Variants in SLC28A2 observed in about 807,000 individuals in gnomAD.
SLC28A2 encodes sodium/nucleoside cotransporter 2.
SLC28A2 carries 69 observed loss-of-function variants against 72.9 expected under a neutral mutation model. That is an observed-to-expected ratio of 0.95 (90% CI 0.78 to 1.16). The LOEUF is 1.16. Among genes scored for constraint, SLC28A2 ranks in the 50% most tolerant of loss-of-function variants. The pLI, the probability that SLC28A2 is intolerant of heterozygous loss-of-function variation, is 0.00. For missense variants in SLC28A2, 745 were observed against 791.1 expected (o/e 0.94, Z 0.70); for synonymous variants, 296 against 294.1 (o/e 1.01, Z -0.07).
At position 45,272,756 on chromosome 15, in the gene SLC28A2, T is replaced by C. The variant is rs1192401922; in HGVS notation, c.1831T>C (p.Tyr611His). 6.2e-7 allele frequency: 1 copy of C among 1,609,812 alleles called. No individual in the cohort carries two copies. ...TSFTNRTYET[Y>H]MCCRGLFQST... is the part of the protein sequence containing the mutation. ...TTTCACCAATAGAACCTATGAGACC[T>C]ACATGTGCTGCAGAGGGCTCTTTCA... Residue 611 changes from tyrosine (Y) to histidine (H), a missense_variant, in exon 17 of 18, where the codon TAC becomes CAC. Physicochemically the swap from Tyr to His is moderately conservative, Grantham distance 83 (BLOSUM62 2). Coordinates refer to ENST00000347644, the MANE Select transcript of SLC28A2 (RefSeq NM_004212.4).
intron 17 of SLC28A2, among the ~76,000 whole-genome samples, chr15:45,274,517 A>C (rs1296131628): frequency 6.6e-6 from 1 of 151,250 alleles, no homozygotes; most frequent in African/African-American, 2.5e-5. Context: ...ACAAACAAAC[A>C]AATAAAGATT....
chr15:45,261,516 G>A (rs916267534), intron 3 of SLC28A2, among the ~76,000 whole-genome samples: 1 of 152,126 alleles, frequency 6.6e-6, no homozygotes, highest in African/African-American at 2.4e-5. Flanking sequence ...CTACTTGCTG[G>A]GCCTCTTCTC....
chr15:45,273,474 G>GGT (rs772069791), intron 17 of SLC28A2, among the ~76,000 whole-genome samples: 1 of 152,144 alleles, frequency 6.6e-6, no homozygotes, highest in Non-Finnish European at 1.5e-5. Context: ...CAAATCAAAA[G>GGT]GTGTGTGTGT....
Position 45,274,896 on chromosome 15 carries a change from A to G in SLC28A2, c.1860-500A>G, listed in dbSNP as rs777787572. Among the ~76,000 whole-genome samples, 5 of 152,064 alleles carry G rather than the reference A, an allele frequency of 3.3e-5. No homozygotes were observed. The South Asian group carries it at 1.0e-3, about 32-fold the overall frequency. ...CAGGCATGTGTCACCATGCCTGGTT[A>G]ATTTTTACTTTTTGTAGACATGGGC... is the stretch of plus-strand genomic sequence containing the variant. On this transcript the variant is annotated intron_variant, in intron 17 of 17. Transcript: ENST00000347644.
intron 3 of SLC28A2, chr15:45,255,254 G>GA (rs11381433): frequency 0.72 from 103,760 of 144,260 alleles, 38,210 homozygotes; most frequent in Middle Eastern, 0.78. Context: ...AGACCGTCTT[G>GA]AAAAAAAAAA....
At chr15:45,269,820 G>C (rs766368890) in intron 14 of SLC28A2, among the ~76,000 whole-genome samples, 2 of 152,200 alleles carry the variant, frequency 1.3e-5, no homozygotes, top group Non-Finnish European at 2.9e-5. Flanking sequence ...AGCTGGGGCA[G>C]TCCAGGGCAG....
In SLC28A2 at chr15:45,252,273, GC is replaced by G. The variant is rs1387553264; in HGVS notation, c.-21del. 1 of 455,950 alleles carries G rather than the reference GC, an allele frequency of 2.2e-6. No individual in the cohort carries two copies. Among genetic ancestry groups the G allele is most frequent in the Admixed American group, 2.3e-5 (1 of 42,568 alleles). 28.2% of individuals were successfully genotyped at this position (455,950 alleles called of 1,614,324 possible). A position where few individuals can be genotyped will look rare whatever the true frequency, so the allele number is the denominator to read the frequency against. The stretch of plus-strand genomic sequence containing the variant: ...GAGCCAGAGGGAATCAATTCCACAA[GC>G]TGGGGTAAGTAAAGGTGTTTGGGGG... On this transcript the variant is annotated 5_prime_UTR_variant, in exon 1 of 18. Coordinates refer to ENST00000347644, the MANE Select transcript of SLC28A2 (RefSeq NM_004212.4).
Position 45,272,357 on chromosome 15 carries a change from G to T in SLC28A2, c.1711G>T (p.Gly571Trp). 6.2e-7 allele frequency: 1 copy of T among 1,614,028 alleles called. No homozygotes were observed. The highest frequency in any genetic ancestry group is 2.2e-5 in the East Asian group (1 of 44,876). Residue 571 changes from glycine to tryptophan, a missense_variant, in exon 16 of 18, where the codon GGG (glycine) becomes TGG (tryptophan). Coordinates refer to ENST00000347644, the MANE Select transcript of SLC28A2 (RefSeq NM_004212.4). ...GGTTGTGGTCAGGGCCCTCTTCACAGGGGCCTGTGTATCCCTTATCAGTGC... is the reference window on the plus strand; with the variant it reads ...GGTTGTGGTCAGGGCCCTCTTCACATGGGCCTGTGTATCCCTTATCAGTGC... ...SKVVVRALFT[G>W]ACVSLISACM...
At chr15:45,270,544 T>C (rs112636092) in intron 15 of SLC28A2, among the ~76,000 whole-genome samples, 2 of 152,110 alleles carry the variant, frequency 1.3e-5, no homozygotes, top group African/African-American at 2.4e-5. Context: ...ATTTTCTCTA[T>C]GAGGAAGAAA....
chr15:45,262,345 AT>A (rs1900188164), intron 4 of SLC28A2, among the ~76,000 whole-genome samples: 1 of 152,212 alleles, frequency 6.6e-6, no homozygotes, highest in East Asian at 1.9e-4. Context: ...GATTTAAAAT[AT>A]TTCAGAGAAT....
chr15:45,259,425 C>A (rs914072389), intron 3 of SLC28A2, among the ~76,000 whole-genome samples: 2 of 152,112 alleles, frequency 1.3e-5, no homozygotes, highest in Non-Finnish European at 2.9e-5. Flanking sequence ...CCCTCCTTGG[C>A]CTCCCAAAGT....
intron 6 of SLC28A2, 122 bp downstream of exon 6, chr15:45,264,144 G>T (rs1024825421): frequency 1.5e-5 from 14 of 916,752 alleles, no homozygotes; most frequent in Middle Eastern, 3.6e-4. Flanking sequence ...ACAACCCCTA[G>T]AATTTGCCTC....
At chr15:45,254,908 G>A (rs913235897) in intron 3 of SLC28A2, among the ~76,000 whole-genome samples, 2 of 152,088 alleles carry the variant, frequency 1.3e-5, no homozygotes, top group Non-Finnish European at 2.9e-5. Context: ...TTAATCATGT[G>A]AGTCACATTG....
At position 45,275,498 on chromosome 15, in the gene SLC28A2, T is replaced by C. The variant is rs774789290; in HGVS notation, c.1962T>C (p.Asn654=). 1.3e-6 allele frequency: 2 copies of C among 1,594,904 alleles called. No individual in the cohort carries two copies. The highest frequency in any genetic ancestry group is 8.6e-7 in the Non-Finnish European group (1 of 1,162,586). The part of the protein sequence containing the change: ...ALTNCCGFYN[N]TVCA Reference sequence around the variant, plus strand: ...CTAACTGCTGTGGATTCTACAACAATACCGTCTGTGCCTAAGGCTGCTTGA... The same window carrying C: ...CTAACTGCTGTGGATTCTACAACAACACCGTCTGTGCCTAAGGCTGCTTGA... The change falls in exon 18 of 18, where the codon AAT becomes AAC. Residue 654 remains asparagine, a synonymous_variant. Transcript: ENST00000347644.
At chr15:45,252,330 A>G in intron 1 of SLC28A2, 52 bp downstream of exon 1, 1 of 455,736 alleles carries the variant, frequency 2.2e-6, no homozygotes, top group Non-Finnish European at 4.4e-6. Context: ...AAATTTTTAA[A>G]GAGATCATAT....
intron 12 of SLC28A2, 85 bp downstream of exon 12, chr15:45,267,881 T>G: frequency 1.4e-6 from 2 of 1,443,436 alleles, no homozygotes; most frequent in Non-Finnish European, 1.9e-6. Flanking sequence ...CAAGTCTCCC[T>G]GAGGGGGAAT....
chr15:45,252,943 C>T (rs1048311496), intron 1 of SLC28A2, among the ~76,000 whole-genome samples: 1 of 152,236 alleles, frequency 6.6e-6, no homozygotes, highest in East Asian at 1.9e-4. Context: ...ATTCCACTGC[C>T]TTTCATTTCT....
In SLC28A2 at chr15:45,263,245, G is replaced by T; in HGVS notation, c.446+1G>T. 6.2e-7 allele frequency: 1 copy of T among 1,612,950 alleles called. No homozygotes were observed. The highest frequency in any genetic ancestry group is 8.5e-7 in the Non-Finnish European group (1 of 1,179,604). The stretch of plus-strand genomic sequence containing the variant: ...CCCGCCTGAGGCTTTGGACGAAATG[G>T]TAAGATAAGAATCTCAATACCTGGC... On this transcript the variant is annotated splice_donor_variant, in intron 5 of 17. Transcript: ENST00000347644. LOFTEE classifies it high-confidence loss of function.
intron 15 of SLC28A2, among the ~76,000 whole-genome samples, chr15:45,270,738 A>G (rs1900527216): frequency 6.6e-6 from 1 of 151,872 alleles, no homozygotes; most frequent in African/African-American, 2.4e-5. Flanking sequence ...AGTGATTCTC[A>G]TGCCTCAGCC....
Sources: gnomAD v4.1 joint callset for allele counts (sites outside exome capture counted in the v4.1 genomes callset) on GRCh38, gnomAD v4.1.1 for gene constraint, MANE v1.5 for transcripts, NCBI Gene and HGNC (gene_info 2026-07-23, HGNC 2026-07-21) for gene names.